MDGA2: variants seen among roughly 807,000 people sequenced by gnomAD.
MDGA2 encodes MAM domain containing glycosylphosphatidylinositol anchor 2, also known as MAM domain-containing glycosylphosphatidylinositol anchor protein 2.
MDGA2 carries 40 observed loss-of-function variants against 117.8 expected under a neutral mutation model. That is an observed-to-expected ratio of 0.34 (90% CI 0.26 to 0.44). MDGA2 has a LOEUF of 0.44. Among genes scored for constraint, MDGA2 ranks in the 20% least tolerant of loss-of-function variants. The probability of loss-of-function intolerance (pLI) is 1.00; values close to 1 mark genes in which losing one functional copy is unlikely to be tolerated. For missense variants in MDGA2, 1,123 were observed against 1,250.6 expected, an observed-to-expected ratio of 0.90 and a Z score of 1.54; for synonymous variants, 452 against 439.0, an observed-to-expected ratio of 1.03 and a Z score of -0.37.
intron 10 of MDGA2, among the ~76,000 whole-genome samples, chr14:46,919,492 C>A (rs1475026780): frequency 6.6e-6 from 1 of 152,184 alleles, no homozygotes. Context: ...ATCTTCAGCT[C>A]CCTTAAGAAA....
At chr14:47,219,261 G>C (rs1402626002) in intron 2 of MDGA2, among the ~76,000 whole-genome samples, 2 of 152,008 alleles carry the variant, frequency 1.3e-5, no homozygotes, top group East Asian at 3.9e-4. Flanking sequence ...AAATGTATGA[G>C]CTAATGGCAT....
chr14:47,475,435 G>C (rs1474960535), intron 1 of MDGA2, among the ~76,000 whole-genome samples: 2 of 152,060 alleles, frequency 1.3e-5, no homozygotes, highest in African/African-American at 4.8e-5. Flanking sequence ...CAGAGATGCA[G>C]ACAGCAGAAA....
chr14:47,272,538 C>T (rs545723651), intron 2 of MDGA2, among the ~76,000 whole-genome samples: 1 of 152,238 alleles, frequency 6.6e-6, no homozygotes, highest in South Asian at 2.1e-4. Flanking sequence ...CTCCCTTCAC[C>T]CACTCTTAAA....
intron 1 of MDGA2, among the ~76,000 whole-genome samples, chr14:47,583,300 A>G (rs891358836): frequency 4.6e-5 from 7 of 151,850 alleles, no homozygotes; most frequent in African/African-American, 1.7e-4. Flanking sequence ...AGATGAGATT[A>G]AAGCTGAGCT....
chr14:47,181,843 G>A (rs1241400939), intron 3 of MDGA2, among the ~76,000 whole-genome samples: 2 of 152,022 alleles, frequency 1.3e-5, no homozygotes, highest in Non-Finnish European at 2.9e-5. Context: ...AAATTAAAAA[G>A]GCTATGTCCT....
chr14:47,041,398 T>C (rs1010561999), intron 7 of MDGA2, among the ~76,000 whole-genome samples: 1 of 152,122 alleles, frequency 6.6e-6, no homozygotes, highest in Non-Finnish European at 1.5e-5. Context: ...GCATAAATAT[T>C]TGAAATGTCT....
chr14:47,253,149 T>G lies in MDGA2; in HGVS notation c.421-34954A>C, dbSNP rs1206761330. Among the ~76,000 whole-genome samples, 4 of 152,224 alleles carry G rather than the reference T, an allele frequency of 2.6e-5. No homozygotes were observed. The South Asian group carries it at 8.3e-4, about 32-fold the overall frequency. The stretch of plus-strand genomic sequence containing the variant: ...ACTACAATTCAAGATGAGATTTGAG[T>G]GAGGACACAGCCAAACCATATCATT... On this transcript the variant is annotated intron_variant, in intron 2 of 16. Coordinates refer to ENST00000399232, the MANE Select transcript of MDGA2 (RefSeq NM_001113498.3).
intron 1 of MDGA2, among the ~76,000 whole-genome samples, chr14:47,464,908 A>G (rs1893568394): frequency 6.6e-6 from 1 of 152,094 alleles, no homozygotes; most frequent in Admixed American, 6.6e-5. Context: ...AAATAAAAAC[A>G]AAGCCAGAGA....
Position 47,301,295 on chromosome 14 carries a change from CCACACACA to C in MDGA2, c.420+108_420+115del, listed in dbSNP as rs71112491. Reference sequence around the variant, plus strand: ...TACACACACACACACCCACACCCACCCACACACACACACACACACACACACAGTTTTAG... The same window carrying C: ...TACACACACACACACCCACACCCACCCACACACACACACACACAGTTTTAG... On this transcript the variant is annotated intron_variant, in intron 2 of 16. Transcript: ENST00000399232. 3.4e-3 allele frequency: 3,232 copies of C among 942,972 alleles called. 1 individual carries two copies. The highest frequency in any genetic ancestry group is 0.013 in the East Asian group (457 of 33,984). 58.4% of individuals were successfully genotyped at this position (942,972 alleles called of 1,614,324 possible).
chr14:47,071,507 T>A (rs145852904), intron 6 of MDGA2, among the ~76,000 whole-genome samples: 1 of 152,106 alleles, frequency 6.6e-6, no homozygotes, highest in African/African-American at 2.4e-5. Flanking sequence ...TCCTTAGGTG[T>A]GTTTAAAGTA....
intron 1 of MDGA2, among the ~76,000 whole-genome samples, chr14:47,403,057 A>G (rs1329053637): frequency 6.6e-6 from 1 of 152,160 alleles, no homozygotes; most frequent in African/African-American, 2.4e-5. Context: ...AAAACAGCAG[A>G]CTTTCTCTCC....
rs562410485 is a variant in MDGA2 at position 47,624,612 on chromosome 14, C to G, written c.280+49905G>C. On this transcript the variant is annotated intron_variant, in intron 1 of 16. Transcript: ENST00000399232. The stretch of plus-strand genomic sequence containing the variant: ...TGAATATAAATGAATATTCTTATAT[C>G]TAATCAGTTTTTTTTAAGCTCCAGG... 1.3e-3 allele frequency among the ~76,000 whole-genome samples: 204 copies of G among 152,218 alleles called. 1 individual carries two copies. Among genetic ancestry groups the G allele is most frequent in the Middle Eastern group, 3.4e-3 (1 of 294 alleles).
intron 1 of MDGA2, among the ~76,000 whole-genome samples, chr14:47,596,354 T>A (rs981981166): frequency 1.3e-5 from 2 of 152,194 alleles, no homozygotes; most frequent in African/African-American, 2.4e-5. Flanking sequence ...TGAAAACAGA[T>A]AAAGATTTAG....
intron 6 of MDGA2, among the ~76,000 whole-genome samples, chr14:47,092,911 T>C (rs1022510871): frequency 6.6e-6 from 1 of 152,040 alleles, no homozygotes; most frequent in African/African-American, 2.4e-5. Context: ...GAAACGCCCA[T>C]CACTGGACAC....
intron 1 of MDGA2, among the ~76,000 whole-genome samples, chr14:47,635,637 T>C (rs1360963765): frequency 6.6e-6 from 1 of 152,198 alleles, no homozygotes; most frequent in Non-Finnish European, 1.5e-5. Context: ...AAAATATCAA[T>C]TTCTGGGTAC....
At chr14:47,226,114 A>G (rs1256550368) in intron 2 of MDGA2, among the ~76,000 whole-genome samples, 4 of 151,214 alleles carry the variant, frequency 2.6e-5, no homozygotes, top group African/African-American at 9.7e-5. Context: ...ACATAGGGAG[A>G]CCCCTATCTC....
intron 1 of MDGA2, among the ~76,000 whole-genome samples, chr14:47,314,941 C>T (rs1889759135): frequency 1.3e-5 from 2 of 152,012 alleles, no homozygotes; most frequent in South Asian, 4.1e-4. Context: ...TGTACTATTG[C>T]ATATTGTGTA....
rs533059157 is a variant in MDGA2, at chr14:47,335,805, C to T, written c.281-34255G>A. 5.6e-5 allele frequency among the ~76,000 whole-genome samples: 8 copies of T among 142,776 alleles called. No individual in the cohort carries two copies. In the South Asian group the frequency reaches 1.4e-3, roughly 25 times the overall value. 93.7% of individuals were successfully genotyped at this position (142,776 alleles called of 152,430 possible). A position where few individuals can be genotyped will look rare whatever the true frequency, so the allele number is the denominator to read the frequency against. On this transcript the variant is annotated intron_variant, in intron 1 of 16. Coordinates refer to ENST00000399232, the MANE Select transcript of MDGA2 (RefSeq NM_001113498.3). ...GTGTTGAAAATACACTAAAGAGAGA[C>T]AAAATTTGAAGCAGGAAGGCCAGTT...
At chr14:47,328,199 C>T (rs1806787) in intron 1 of MDGA2, among the ~76,000 whole-genome samples, 38,823 of 151,920 alleles carry the variant, frequency 0.26, 5,259 homozygotes, top group African/African-American at 0.3. Flanking sequence ...CACTCCATAT[C>T]GGGCAGAGGG....
Sources: allele counts gnomAD v4.1 joint callset (sites outside exome capture counted in the v4.1 genomes callset), GRCh38; gene constraint gnomAD v4.1.1; transcripts MANE v1.5; gene names NCBI Gene and HGNC (gene_info 2026-07-23, HGNC 2026-07-21).